The following DLC1 variants were observed in gnomAD, a reference collection of about 807,000 sequenced individuals.
DLC1 encodes the protein DLC1 Rho GTPase activating protein, also known as rho GTPase-activating protein 7.
DLC1 carries 54 observed loss-of-function variants against 140.3 expected under a neutral mutation model. That is an observed-to-expected ratio of 0.38 (90% CI 0.31 to 0.48). DLC1 has a LOEUF of 0.48. DLC1 is among the 20% of genes least tolerant of loss of function. The pLI is 0.96. For synonymous variants in DLC1, 986 were observed against 728.1 expected (o/e 1.35, Z -5.70); for missense variants, 2,536 against 1,907.0 (o/e 1.33, Z -6.14).
chr8:13,144,343 G>T (rs1202208290), intron 5 of DLC1, among the ~76,000 whole-genome samples: 1 of 152,192 alleles, frequency 6.6e-6, no homozygotes, highest in African/African-American at 2.4e-5. Flanking sequence ...ACCACTGTCA[G>T]ATTCCTTGGT....
rs563798262 is a variant in DLC1, at chr8:13,488,934, C to G, written c.1023+10115G>C. Among the ~76,000 whole-genome samples, 3 of 152,072 alleles carry G rather than the reference C, an allele frequency of 2.0e-5. No homozygotes were observed. In the South Asian group the frequency reaches 6.2e-4, roughly 32 times the overall value. On this transcript the variant is annotated intron_variant, in intron 2 of 17. Transcript: ENST00000276297. ...AGCCAACGAATGCATATTCTAGGCT[C>G]AATTTTTTTTATTTTTTATTTTTAT...
At chr8:13,278,176 G>A (rs1324411597) in intron 5 of DLC1, among the ~76,000 whole-genome samples, 1 of 152,232 alleles carries the variant, frequency 6.6e-6, no homozygotes, top group Non-Finnish European at 1.5e-5. Context: ...AGGAGAGAAT[G>A]CATGCTAACT....
chr8:13,359,767 A>G (rs1563283057), intron 4 of DLC1, among the ~76,000 whole-genome samples: 1 of 152,252 alleles, frequency 6.6e-6, no homozygotes, highest in Non-Finnish European at 1.5e-5. Flanking sequence ...TAGGAACCAT[A>G]CTATGATTTC....
intron 4 of DLC1, among the ~76,000 whole-genome samples, chr8:13,388,536 A>G (rs1388024791): frequency 1.3e-5 from 2 of 152,018 alleles, no homozygotes; most frequent in Non-Finnish European, 2.9e-5. Context: ...CTACATAAGA[A>G]CTTAATAATT....
chr8:13,316,188 A>G (rs1832853890), intron 4 of DLC1, among the ~76,000 whole-genome samples: 1 of 152,150 alleles, frequency 6.6e-6, no homozygotes, highest in Admixed American at 6.5e-5. Flanking sequence ...CCTCCCTACC[A>G]GCCACTTGAT....
intron 5 of DLC1, among the ~76,000 whole-genome samples, chr8:13,229,132 C>A (rs149294831): frequency 2.0e-5 from 3 of 152,152 alleles, no homozygotes; most frequent in Admixed American, 6.5e-5. Flanking sequence ...CATACCCAAA[C>A]GTTCATAGCA....
At chr8:13,254,150 TC>T (rs909944894) in intron 5 of DLC1, among the ~76,000 whole-genome samples, 1 of 148,574 alleles carries the variant, frequency 6.7e-6, no homozygotes, top group Non-Finnish European at 1.5e-5. Flanking sequence ...CTCCCTCCTT[TC>T]CCCCACCCCA....
chr8:13,537,151 A>G (rs1303085534), intron 1 of DLC1, among the ~76,000 whole-genome samples: 1 of 152,198 alleles, frequency 6.6e-6, no homozygotes, highest in Non-Finnish European at 1.5e-5. Context: ...GTCTGCTATT[A>G]TATTAGCAGA....
intron 4 of DLC1, among the ~76,000 whole-genome samples, chr8:13,328,492 G>T (rs1223192269): frequency 6.6e-6 from 1 of 152,192 alleles, no homozygotes; most frequent in Non-Finnish European, 1.5e-5. Flanking sequence ...AGGTAGAGAA[G>T]ACTGCAGCTG....
At chr8:13,342,280 A>G (rs1280332758) in intron 4 of DLC1, 1 of 152,232 alleles carries the variant, frequency 6.6e-6, no homozygotes, top group Non-Finnish European at 1.5e-5. Flanking sequence ...TGTTTCAAAC[A>G]TGCAGAAAAT....
chr8:13,312,118 T>A lies in DLC1; in HGVS notation c.1315-6816A>T, dbSNP rs963158840. On this transcript the variant is annotated intron_variant, in intron 4 of 17. Transcript: ENST00000276297. ...GGCTCACGCCTGTAATCCCAGCACT[T>A]TGGGAGGCCGAGGCGGGCGGATCAC... is the stretch of plus-strand genomic sequence containing the variant. Among the ~76,000 whole-genome samples, 7 of 130,252 alleles carry A rather than the reference T, an allele frequency of 5.4e-5. No homozygotes were observed. In the East Asian group the frequency reaches 1.2e-3, roughly 23 times the overall value. 85.5% of individuals were successfully genotyped at this position (130,252 alleles called of 152,430 possible). A position where few individuals can be genotyped will look rare whatever the true frequency, so the allele number is the denominator to read the frequency against.
chr8:13,394,552 G>A (rs1195889167), intron 3 of DLC1, among the ~76,000 whole-genome samples: 4 of 152,156 alleles, frequency 2.6e-5, no homozygotes, highest in Non-Finnish European at 5.9e-5. Context: ...CAGAGGAAAG[G>A]TGGGAGGGGG....
At chr8:13,524,421 A>G (rs1802856859) in intron 1 of DLC1, among the ~76,000 whole-genome samples, 1 of 152,044 alleles carries the variant, frequency 6.6e-6, no homozygotes, top group Admixed American at 6.6e-5. Flanking sequence ...TACAGGCGTG[A>G]GCTATCTATT....
intron 2 of DLC1, among the ~76,000 whole-genome samples, chr8:13,420,577 C>G (rs1838271093): frequency 2.0e-5 from 3 of 152,010 alleles, no homozygotes; most frequent in East Asian, 1.9e-4. Context: ...CAACCCCTGA[C>G]AGGCCCGGGT....
chr8:13,158,219 G>A (rs1824402621), intron 5 of DLC1, among the ~76,000 whole-genome samples: 1 of 152,168 alleles, frequency 6.6e-6, no homozygotes, highest in African/African-American at 2.4e-5. Context: ...ATCAAGAGGG[G>A]TTAATTGTGT....
intron 1 of DLC1, among the ~76,000 whole-genome samples, chr8:13,532,012 C>A (rs146651767): frequency 2.6e-5 from 4 of 152,198 alleles, no homozygotes; most frequent in Non-Finnish European, 4.4e-5. Flanking sequence ...AGTCTCCAGG[C>A]AGAAGCCTAA....
chr8:13,102,953 T>C (rs1819219867), intron 7 of DLC1, 100 bp from the exon 8 acceptor site: 1 of 1,020,354 alleles, frequency 9.8e-7, no homozygotes, highest in Admixed American at 2.2e-5. Context: ...AAGGAGTTTC[T>C]TGAAACTCAG....
chr8:13,125,555 A>T (rs766874535), intron 5 of DLC1, among the ~76,000 whole-genome samples: 1 of 152,160 alleles, frequency 6.6e-6, no homozygotes, highest in East Asian at 1.9e-4. Context: ...CTCTTTACAA[A>T]TGAGGAAGCT....
At chr8:13,214,430 G>C (rs112097183) in intron 5 of DLC1, 5 of 533,350 alleles carry the variant, frequency 9.4e-6, no homozygotes, top group African/African-American at 3.8e-5. Flanking sequence ...GGACCTTGCA[G>C]CTTTGCACTG....
Sources: gnomAD v4.1 joint callset for allele counts (sites outside exome capture counted in the v4.1 genomes callset) on GRCh38, gnomAD v4.1.1 for gene constraint, MANE v1.5 for transcripts, NCBI Gene and HGNC (gene_info 2026-07-23, HGNC 2026-07-21) for gene names.